Variants in TSHZ3 observed in about 807,000 individuals in gnomAD.
The protein encoded by TSHZ3 is teashirt homolog 3.
Under a neutral mutation model 64.5 loss-of-function variants are expected in TSHZ3, and 10 were observed. The observed-to-expected ratio is 0.16, with a 90% CI of 0.10 to 0.26. The LOEUF (loss-of-function observed/expected upper bound fraction) is 0.26. Ranked by LOEUF, TSHZ3 falls within the 10% of genes least tolerant of loss-of-function variation. TSHZ3 has a pLI of 1.00. For missense variants in TSHZ3, 1,242 were observed against 1,421.7 expected (o/e 0.87, Z 2.03); for synonymous variants, 608 against 593.1 (o/e 1.03, Z -0.36).
intron 1 of TSHZ3, among the ~76,000 whole-genome samples, chr19:31,261,313 T>C (rs1240929155): frequency 6.6e-6 from 1 of 152,180 alleles, no homozygotes. Context: ...CCAGAGTCTC[T>C]GAGAGGCAAT....
chr19:31,322,132 G>C (rs147030489), intron 1 of TSHZ3, among the ~76,000 whole-genome samples: 65 of 152,154 alleles, frequency 4.3e-4, no homozygotes, highest in African/African-American at 1.4e-3. Flanking sequence ...TTTTATGTTT[G>C]TTTGTTTTTT....
intron 3 of TSHZ3, among the ~76,000 whole-genome samples, chr19:31,235,268 C>G (rs768387712): frequency 3.3e-5 from 5 of 152,126 alleles, no homozygotes; most frequent in Non-Finnish European, 7.3e-5. Flanking sequence ...CTATTGTCAC[C>G]ATGCTGTACA....
intron 5 of TSHZ3, among the ~76,000 whole-genome samples, chr19:31,168,358 T>G (rs1318470571): frequency 6.6e-6 from 1 of 152,194 alleles, no homozygotes; most frequent in Non-Finnish European, 1.5e-5. Flanking sequence ...CACAGAGCAC[T>G]GCATTATCTG....
intron 5 of TSHZ3, among the ~76,000 whole-genome samples, chr19:31,177,870 G>A (rs990433101): frequency 6.6e-6 from 1 of 152,202 alleles, no homozygotes; most frequent in Admixed American, 6.5e-5. Context: ...GGCGGGGACA[G>A]AGCAGTGACA....
chr19:31,332,623 T>C (rs1190910556), intron 1 of TSHZ3, among the ~76,000 whole-genome samples: 2 of 152,108 alleles, frequency 1.3e-5, no homozygotes, highest in African/African-American at 4.8e-5. Context: ...GACTCCAGTT[T>C]AGGGGACTGT....
intron 5 of TSHZ3, among the ~76,000 whole-genome samples, chr19:31,160,357 T>G (rs1235596469): frequency 2.6e-5 from 4 of 152,144 alleles, no homozygotes; most frequent in Non-Finnish European, 4.4e-5. Flanking sequence ...CGCTCTGCGG[T>G]CTATCTGCCC....
At chr19:31,290,859 G>A (rs1007218611) in intron 1 of TSHZ3, among the ~76,000 whole-genome samples, 5 of 152,136 alleles carry the variant, frequency 3.3e-5, no homozygotes, top group Admixed American at 1.3e-4. Flanking sequence ...TGGCCATGGC[G>A]GGATGACAAC....
intron 1 of TSHZ3, among the ~76,000 whole-genome samples, chr19:31,250,886 C>T (rs1355339041): frequency 6.6e-6 from 1 of 152,172 alleles, no homozygotes; most frequent in African/African-American, 2.4e-5. Context: ...GGCAGTATCT[C>T]CTCGTGGGAA....
intron 4 of TSHZ3, among the ~76,000 whole-genome samples, chr19:31,209,182 C>T (rs1388145374): frequency 6.6e-6 from 1 of 152,050 alleles, no homozygotes; most frequent in Admixed American, 6.5e-5. Context: ...CCCGTGGGTG[C>T]CCAGCCAGGT....
At chr19:31,192,134 A>G (rs1025488744) in intron 5 of TSHZ3, among the ~76,000 whole-genome samples, 3 of 152,220 alleles carry the variant, frequency 2.0e-5, no homozygotes, top group Non-Finnish European at 4.4e-5. Flanking sequence ...CTTCTAAAAT[A>G]ATAACCCAAA....
At chr19:31,267,392 G>T (rs1802785657) in intron 1 of TSHZ3, among the ~76,000 whole-genome samples, 1 of 152,144 alleles carries the variant, frequency 6.6e-6, no homozygotes, top group Admixed American at 6.5e-5. Flanking sequence ...AATGGGCCAT[G>T]GTGGTCAAGT....
chr19:31,277,235 T>C lies in TSHZ3; in HGVS notation c.2558A>G (p.Asn853Ser). The C allele has an allele frequency of 6.2e-7, 1 of 1,614,174 alleles. No homozygotes were observed. The change falls in exon 2 of 2, where the codon AAC (asparagine) becomes AGC (serine). Residue 853 changes from asparagine (N) to serine (S), a missense_variant. This residue lies in a region of TSHZ3 where 550 missense variants were observed against 545.1 expected (regional missense o/e 1.01). Transcript: ENST00000240587. The surrounding 1 kb of genome is among the most constrained non-coding windows in gnomAD (Gnocchi z 4.5). ...TTTTGACGTGTGGCTCTCTGTCAAG[T>C]TCTTCAGCATATCGGATATATCTGA... is the stretch of plus-strand genomic sequence containing the variant. The part of the protein sequence containing the change: ...ALSDISDMLK[N>S]LTESHTSKSS...
chr19:31,185,836 C>A (rs1433513742), intron 5 of TSHZ3, among the ~76,000 whole-genome samples: 2 of 152,158 alleles, frequency 1.3e-5, no homozygotes, highest in African/African-American at 4.8e-5. Context: ...CCTGCCTTCC[C>A]ACCCATCCAA....
intron 5 of TSHZ3, among the ~76,000 whole-genome samples, chr19:31,164,993 C>A (rs1321549864): frequency 6.6e-6 from 1 of 152,224 alleles, no homozygotes; most frequent in African/African-American, 2.4e-5. Context: ...TGGTGGAAAG[C>A]CCACCCTGCC....
In TSHZ3 at chr19:31,276,695, G is replaced by A. The variant is rs1267078604; in HGVS notation, c.3098C>T (p.Pro1033Leu). 1 of 1,613,706 alleles carries A rather than the reference G, an allele frequency of 6.2e-7. No homozygotes were observed. The highest frequency in any genetic ancestry group is 8.5e-7 in the Non-Finnish European group (1 of 1,179,746). ...SPSEKMVTSS[P>L]EEDLGTSYQC... ...ATAGGAAGTCCCCAGGTCTTCCTCG[G>A]GGGAGGACGTCACCATTTTTTCTGA... Residue 1033 changes from proline (P) to leucine (L), a missense_variant, in exon 2 of 2, where the codon CCC (proline) becomes CTC (leucine). Around this residue, in one of 4 missense-constraint regions of TSHZ3, gnomAD observed 126 missense variants for 140.6 expected, o/e 0.90. Coordinates refer to ENST00000240587, the MANE Select transcript of TSHZ3 (RefSeq NM_020856.4).
chr19:31,226,916 G>A (rs900604130), intron 4 of TSHZ3, among the ~76,000 whole-genome samples: 1 of 150,008 alleles, frequency 6.7e-6, no homozygotes, highest in African/African-American at 2.5e-5. Context: ...TTTGCTTTTA[G>A]AGAACTATCC....
chr19:31,269,348 G>C (rs143774792), intron 1 of TSHZ3, among the ~76,000 whole-genome samples: 1 of 152,076 alleles, frequency 6.6e-6, no homozygotes, highest in African/African-American at 2.4e-5. Flanking sequence ...TTGCCGACTC[G>C]GTTTCATGGT....
At chr19:31,232,534 T>C (rs1975554441) in intron 3 of TSHZ3, among the ~76,000 whole-genome samples, 1 of 152,216 alleles carries the variant, frequency 6.6e-6, no homozygotes, top group Non-Finnish European at 1.5e-5. Context: ...AAATGACTTA[T>C]TTTAAAAATC....
chr19:31,248,094 G>A (rs769205768), intron 1 of TSHZ3, among the ~76,000 whole-genome samples: 23 of 152,194 alleles, frequency 1.5e-4, no homozygotes, highest in East Asian at 5.8e-4. Flanking sequence ...ATCAGATCTC[G>A]TGAGACTTAC....
Sources: gnomAD v4.1 joint callset for allele counts (sites outside exome capture counted in the v4.1 genomes callset) on GRCh38, gnomAD v4.1.1 for gene constraint, gnomAD v4.1.1 regional missense constraint, Gnocchi (gnomAD v3.1) non-coding constraint, MANE v1.5 for transcripts, NCBI Gene and HGNC (gene_info 2026-07-23, HGNC 2026-07-21) for gene names.